The following ZCCHC7 variants were observed in gnomAD, a reference collection of about 807,000 sequenced individuals.
ZCCHC7 encodes zinc finger CCHC-type containing 7.
A neutral mutation model predicts 52.0 loss-of-function variants in ZCCHC7; 35 were observed. The ratio of observed to expected loss-of-function variants is 0.67; its 90% CI spans 0.51 to 0.89. ZCCHC7 has a LOEUF of 0.89. ZCCHC7 is among the 40% of genes least tolerant of loss of function. The pLI, the probability that ZCCHC7 is intolerant of heterozygous loss-of-function variation, is 0.00. For missense variants in ZCCHC7, 574 were observed against 649.1 expected (o/e 0.88, Z 1.26); for synonymous variants, 217 against 221.5 (o/e 0.98, Z 0.18).
chr9:37,135,789 T>TA, intron 2 of ZCCHC7, among the ~76,000 whole-genome samples: 1 of 152,326 alleles, frequency 6.6e-6, no homozygotes, highest in East Asian at 1.9e-4. Flanking sequence ...CTTCAACACT[T>TA]ATGGCAGAAA....
intron 2 of ZCCHC7, among the ~76,000 whole-genome samples, chr9:37,294,677 A>C (rs1828700316): frequency 6.6e-6 from 1 of 152,316 alleles, no homozygotes; most frequent in Non-Finnish European, 1.5e-5. Flanking sequence ...TCAGAACAGT[A>C]CTTATTCATA....
chr9:37,136,756 T>G (rs1843014383), intron 2 of ZCCHC7, among the ~76,000 whole-genome samples: 1 of 152,120 alleles, frequency 6.6e-6, no homozygotes, highest in African/African-American at 2.4e-5. Flanking sequence ...GATTTACAGG[T>G]GTGAGTCACC....
intron 2 of ZCCHC7, among the ~76,000 whole-genome samples, chr9:37,209,271 A>T (rs977516478): frequency 6.6e-6 from 1 of 151,434 alleles, no homozygotes; most frequent in African/African-American, 2.4e-5. Flanking sequence ...CGATCTCCTG[A>T]CCTTGTGATC....
intron 2 of ZCCHC7, among the ~76,000 whole-genome samples, chr9:37,259,553 T>G (rs1366534092): frequency 6.6e-6 from 1 of 152,194 alleles, no homozygotes; most frequent in Admixed American, 6.5e-5. Context: ...TTAAGAACAT[T>G]TTATAGGCTG....
intron 2 of ZCCHC7, among the ~76,000 whole-genome samples, chr9:37,206,938 T>G (rs1823949614): frequency 6.6e-6 from 1 of 151,446 alleles, no homozygotes; most frequent in Non-Finnish European, 1.5e-5. Context: ...TCAGCCTGGA[T>G]AACTTAGTGA....
At chr9:37,322,829 A>AT (rs956978938) in intron 5 of ZCCHC7, among the ~76,000 whole-genome samples, 2 of 152,030 alleles carry the variant, frequency 1.3e-5, no homozygotes, top group African/African-American at 4.8e-5. Flanking sequence ...GTTTGGGCAC[A>AT]TCCAAGAGTT....
chr9:37,246,852 A>G (rs999827638), intron 2 of ZCCHC7, among the ~76,000 whole-genome samples: 3 of 152,142 alleles, frequency 2.0e-5, no homozygotes, highest in Non-Finnish European at 2.9e-5. Context: ...ACCTCTGGAT[A>G]CTGTGGGACG....
chr9:37,210,015 ATTTATTTTTATTTT>A (rs1824129054), intron 2 of ZCCHC7, among the ~76,000 whole-genome samples: 1 of 150,048 alleles, frequency 6.7e-6, no homozygotes, highest in Non-Finnish European at 1.5e-5. Context: ...CTGTTTTTTT[ATTTATTTTTATTTT>A]TTTATTTTTT....
At position 37,223,332 on chromosome 9, in the gene ZCCHC7, T is replaced by C. The variant is rs144624250; in HGVS notation, c.611-78856T>C. The stretch of plus-strand genomic sequence containing the variant: ...GCCATTAAATGTAATGAAAATCTAA[T>C]ACATGGTACAACATGGATGAACCTT... On this transcript the variant is annotated intron_variant, in intron 2 of 8. Transcript: ENST00000336755. Among the ~76,000 whole-genome samples, 23 of 152,284 alleles carry C rather than the reference T, an allele frequency of 1.5e-4. No homozygotes were observed. The East Asian group carries it at 4.2e-3, about 28-fold the overall frequency.
intron 2 of ZCCHC7, among the ~76,000 whole-genome samples, chr9:37,289,768 C>G (rs923317238): frequency 1.3e-5 from 2 of 152,070 alleles, no homozygotes; most frequent in Admixed American, 6.5e-5. Flanking sequence ...AAACTAATAC[C>G]TCTGTACTCT....
intron 2 of ZCCHC7, among the ~76,000 whole-genome samples, chr9:37,232,939 T>C (rs773109682): frequency 1.3e-5 from 2 of 152,232 alleles, no homozygotes; most frequent in Non-Finnish European, 2.9e-5. Context: ...GTTTGTGTCT[T>C]CGTGTTTTAT....
At chr9:37,165,532 A>G (rs1821371298) in intron 2 of ZCCHC7, among the ~76,000 whole-genome samples, 1 of 152,170 alleles carries the variant, frequency 6.6e-6, no homozygotes, top group African/African-American at 2.4e-5. Context: ...GATTTTGTCA[A>G]ATGCTTTTTG....
At chr9:37,345,802 CGGT>C (rs1820928019) in intron 6 of ZCCHC7, among the ~76,000 whole-genome samples, 1 of 150,942 alleles carries the variant, frequency 6.6e-6, no homozygotes, top group Non-Finnish European at 1.5e-5. Context: ...GAATATAAAA[CGGT>C]TGTTATTTTT....
intron 2 of ZCCHC7, among the ~76,000 whole-genome samples, chr9:37,133,696 C>T (rs189436370): frequency 8.2e-4 from 125 of 152,284 alleles, no homozygotes; most frequent in Non-Finnish European, 1.7e-3. Flanking sequence ...TCAAGTGATT[C>T]TTCCACCTCA....
Position 37,267,434 on chromosome 9 carries a change from CTG to C in ZCCHC7, c.611-34752_611-34751del, listed in dbSNP as rs1827162100. On this transcript the variant is annotated intron_variant, in intron 2 of 8. Transcript: ENST00000336755. Reference sequence around the variant, plus strand: ...CAGGGGAGAAGAACAGGGCCTTGCTCTGTCTCTTAGCCTGGAATGAAGTGGCA... The same window carrying C: ...CAGGGGAGAAGAACAGGGCCTTGCTCTCTCTTAGCCTGGAATGAAGTGGCA... 5.3e-5 allele frequency among the ~76,000 whole-genome samples: 8 copies of C among 152,076 alleles called. 1 individual carries two copies. In the South Asian group the frequency reaches 1.7e-3, roughly 32 times the overall value.
intron 2 of ZCCHC7, among the ~76,000 whole-genome samples, chr9:37,290,803 T>G (rs1828498851): frequency 6.6e-6 from 1 of 152,230 alleles, no homozygotes; most frequent in South Asian, 2.1e-4. Context: ...TTTATAAATC[T>G]AAGATACTTC....
At chr9:37,240,952 A>G (rs79815471) in intron 2 of ZCCHC7, among the ~76,000 whole-genome samples, 2,821 of 151,968 alleles carry the variant, frequency 0.019, 24 homozygotes, top group Non-Finnish European at 0.028. Context: ...TAATAATACT[A>G]TTGAAATTTT....
At chr9:37,152,442 T>G (rs1397859825) in intron 2 of ZCCHC7, among the ~76,000 whole-genome samples, 1 of 152,214 alleles carries the variant, frequency 6.6e-6, no homozygotes, top group Non-Finnish European at 1.5e-5. Context: ...AGTTTTTACC[T>G]AATGTTCTTT....
chr9:37,222,129 C>T lies in ZCCHC7; in HGVS notation c.611-80059C>T, dbSNP rs529057455. On this transcript the variant is annotated intron_variant, in intron 2 of 8. Transcript: ENST00000336755. ...AGATGCCAGCTTTCCACAAAATAATCGATAACCTTGGGGGATTGTTTTATG... is the reference window on the plus strand; with the variant it reads ...AGATGCCAGCTTTCCACAAAATAATTGATAACCTTGGGGGATTGTTTTATG... 9.2e-5 allele frequency among the ~76,000 whole-genome samples: 14 copies of T among 151,496 alleles called. No homozygotes were observed. The South Asian group carries it at 1.9e-3, about 20-fold the overall frequency.
Sources: allele counts gnomAD v4.1 joint callset (sites outside exome capture counted in the v4.1 genomes callset), GRCh38; gene constraint gnomAD v4.1.1; transcripts MANE v1.5; gene names NCBI Gene and HGNC (gene_info 2026-07-23, HGNC 2026-07-21).